The following C12orf42 variants were observed in gnomAD, a reference collection of about 807,000 sequenced individuals.
C12orf42 encodes chromosome 12 open reading frame 42.
In C12orf42, 25 loss-of-function variants were observed where a neutral mutation model predicts 21.6. The ratio of observed to expected loss-of-function variants is 1.16; its 90% CI spans 0.84 to 1.62. The LOEUF is 1.62. Among genes scored for constraint, C12orf42 ranks in the 40% most tolerant of loss-of-function variants. The pLI is 0.00. For synonymous variants in C12orf42, 174 were observed against 175.0 expected, an observed-to-expected ratio of 0.99 and a Z score of 0.05; for missense variants, 483 against 459.3, an observed-to-expected ratio of 1.05 and a Z score of -0.47.
At chr12:103,471,866 A>G (rs532183731) in intron 2 of C12orf42, 13 of 152,244 alleles carry the variant, frequency 8.5e-5, no homozygotes, top group Non-Finnish European at 1.5e-4. Flanking sequence ...ATAGTAACCC[A>G]CGAAATCGAT....
chr12:103,508,435 T>C, the C12orf42 span, among the ~76,000 whole-genome samples: 1 of 145,752 alleles, frequency 6.9e-6, no homozygotes, highest in African/African-American at 2.6e-5. Context: ...ATGGTATGCT[T>C]CCAAATTTAA....
chr12:103,085,545 T>A, the C12orf42 span, among the ~76,000 whole-genome samples: 1 of 152,056 alleles, frequency 6.6e-6, no homozygotes, highest in East Asian at 1.9e-4. Context: ...GAAAAGATTT[T>A]TTTTTTTTTT....
the C12orf42 span, among the ~76,000 whole-genome samples, chr12:103,094,385 TC>T: frequency 6.6e-6 from 1 of 152,216 alleles, no homozygotes. Context: ...AAGGGAACAA[TC>T]CATTCCTGAA....
chr12:103,322,108 T>TGCGCGCACGC (rs932256294), intron 4 of C12orf42, among the ~76,000 whole-genome samples: 1 of 122,114 alleles, frequency 8.2e-6, no homozygotes, highest in Admixed American at 8.3e-5. Context: ...TGCACGCGCG[T>TGCGCGCACGC]GCGTGCGCGC....
At chr12:103,135,165 AAG>A in the C12orf42 span, among the ~76,000 whole-genome samples, 1 of 152,166 alleles carries the variant, frequency 6.6e-6, no homozygotes, top group Non-Finnish European at 1.5e-5. Flanking sequence ...ACAATTAAGA[AAG>A]AGAAAGGCTG....
At chr12:103,419,189 A>G (rs2049638288) in intron 2 of C12orf42, among the ~76,000 whole-genome samples, 1 of 152,214 alleles carries the variant, frequency 6.6e-6, no homozygotes, top group African/African-American at 2.4e-5. Flanking sequence ...AAGAGGAAAC[A>G]GAGTTTAAGG....
intron 2 of C12orf42, among the ~76,000 whole-genome samples, chr12:103,451,193 C>A (rs1951916132): frequency 6.6e-6 from 1 of 151,800 alleles, no homozygotes. Context: ...ACAATATTTT[C>A]TATTTTCTTT....
the C12orf42 span, among the ~76,000 whole-genome samples, chr12:103,126,985 C>A: frequency 1.3e-5 from 2 of 152,056 alleles, no homozygotes; most frequent in African/African-American, 4.8e-5. Flanking sequence ...ATCAGTCTCA[C>A]GATAAAAATT....
intron 4 of C12orf42, among the ~76,000 whole-genome samples, chr12:103,343,698 C>T (rs796691018): frequency 5.4e-5 from 8 of 149,486 alleles, no homozygotes; most frequent in African/African-American, 1.2e-4. Flanking sequence ...CGCTTGAACC[C>T]GGGAGGCAGA....
chr12:103,524,157 C>T, the C12orf42 span, among the ~76,000 whole-genome samples: 1 of 152,174 alleles, frequency 6.6e-6, no homozygotes, highest in African/African-American at 2.4e-5. Flanking sequence ...TTCTGCCTAT[C>T]CTTTTGCAAG....
rs371233996 is a variant in C12orf42, at chr12:103,281,547, G to C, written n.338-4337C>G. 2.8e-3 allele frequency among the ~76,000 whole-genome samples: 425 copies of C among 152,138 alleles called. 4 individuals carry two copies. The highest frequency in any genetic ancestry group is 9.8e-3 in the African/African-American group (405 of 41,506). On this transcript the variant is annotated intron_variant and non_coding_transcript_variant, in intron 4 of 6. Transcript: ENST00000546526. ...AATTTTTTGTATTTTTAGTAGAGAC[G>C]GGGTTTCACCATGTTAGCCAGGATG... is the stretch of plus-strand genomic sequence containing the variant.
chr12:103,294,584 GA>G (rs751369072), intron 4 of C12orf42, among the ~76,000 whole-genome samples: 1,121 of 19,436 alleles, frequency 0.058, 6 homozygotes, highest in East Asian at 0.13. Context: ...AGGAAGGAAG[GA>G]AAGAAAGAAA....
At chr12:103,511,831 A>G in the C12orf42 span, among the ~76,000 whole-genome samples, 1 of 152,202 alleles carries the variant, frequency 6.6e-6, no homozygotes, top group Non-Finnish European at 1.5e-5. Flanking sequence ...TGAAATCCCT[A>G]AATATATAAA....
intron 2 of C12orf42, among the ~76,000 whole-genome samples, chr12:103,453,849 T>C (rs1022022101): frequency 2.2e-4 from 34 of 152,138 alleles, no homozygotes; most frequent in Admixed American, 2.6e-4. Context: ...CTTAAACATA[T>C]AGCTTCTTTC....
At chr12:103,051,738 G>A in the C12orf42 span, among the ~76,000 whole-genome samples, 1 of 152,108 alleles carries the variant, frequency 6.6e-6, no homozygotes, top group Non-Finnish European at 1.5e-5. Flanking sequence ...GCCCCTCTGA[G>A]ACCTTGCTCC....
At chr12:103,252,364 GC>G (rs1199363376) in intron 10 of C12orf42, among the ~76,000 whole-genome samples, 2 of 152,146 alleles carry the variant, frequency 1.3e-5, no homozygotes, top group African/African-American at 4.8e-5. Flanking sequence ...TTGAGGAATT[GC>G]CACACTGTCT....
the C12orf42 span, chr12:103,558,931 T>A: frequency 6.6e-6 from 1 of 152,182 alleles, no homozygotes; most frequent in Admixed American, 6.5e-5. Flanking sequence ...CCCAAGGAAG[T>A]AAACAATGAG....
intron 4 of C12orf42, among the ~76,000 whole-genome samples, chr12:103,336,128 G>A (rs1264119726): frequency 2.0e-5 from 3 of 152,180 alleles, no homozygotes; most frequent in African/African-American, 7.2e-5. Flanking sequence ...GGAAACACTG[G>A]CATTTTGTAG....
At chr12:103,114,324 C>T in the C12orf42 span, among the ~76,000 whole-genome samples, 1 of 152,228 alleles carries the variant, frequency 6.6e-6, no homozygotes, top group Non-Finnish European at 1.5e-5. Context: ...GCACGGGAAG[C>T]GTGGCCTAAA....
Sources: gnomAD v4.1 joint callset for allele counts (sites outside exome capture counted in the v4.1 genomes callset) on GRCh38, gnomAD v4.1.1 for gene constraint, MANE v1.5 for transcripts, NCBI Gene and HGNC (gene_info 2026-07-23, HGNC 2026-07-21) for gene names.